Variants in UNC5B observed in about 807,000 individuals in gnomAD.
UNC5B encodes the protein netrin receptor UNC5B.
UNC5B carries 56 observed loss-of-function variants against 103.7 expected under a neutral mutation model. That is an observed-to-expected ratio of 0.54 (90% CI 0.44 to 0.67). The LOEUF is 0.67. Among genes scored for constraint, UNC5B ranks in the 30% least tolerant of loss-of-function variants. The pLI, the probability that UNC5B is intolerant of heterozygous loss-of-function variation, is 0.00. For missense variants in UNC5B, 1,194 were observed against 1,284.5 expected, an observed-to-expected ratio of 0.93 and a Z score of 1.08; for synonymous variants, 577 against 542.0, an observed-to-expected ratio of 1.06 and a Z score of -0.90.
chr10:71,287,265 A>G (rs1446355422), intron 5 of UNC5B, among the ~76,000 whole-genome samples: 2 of 152,190 alleles, frequency 1.3e-5, no homozygotes. Context: ...ACAGAGTTTT[A>G]GAAAGAACCT....
chr10:71,269,796 GA>G (rs367681141), intron 1 of UNC5B, among the ~76,000 whole-genome samples: 1,890 of 150,996 alleles, frequency 0.013, 43 homozygotes, highest in African/African-American at 0.044. Context: ...CCTGCCAAGA[GA>G]AAAAAAAAGG....
chr10:71,269,226 G>A (rs1273477069), intron 1 of UNC5B, among the ~76,000 whole-genome samples: 2 of 151,878 alleles, frequency 1.3e-5, no homozygotes, highest in Non-Finnish European at 2.9e-5. Flanking sequence ...GGAATGGGGC[G>A]GCTTTTATTT....
chr10:71,291,631 T>C lies in UNC5B; in HGVS notation c.1494T>C (p.Asp498=), dbSNP rs3740460. ...CGGGCTCTGGGCCAGGCCTGGCAGA[T>C]GGGGCTGACCTGCTGGGGGTCTTGC... The part of the protein sequence containing the change: ...STTGSGPGLA[D]GADLLGVLPP... The change falls in exon 10 of 17, where the codon GAT becomes GAC. Residue 498 remains aspartate (D), a synonymous_variant. Coordinates refer to ENST00000335350, the MANE Select transcript of UNC5B (RefSeq NM_170744.5). 214,464 of 1,613,872 alleles carry C rather than the reference T, an allele frequency of 0.13. 15,304 individuals are homozygous for C. The highest frequency in any genetic ancestry group is 0.21 in the South Asian group (18,750 of 91,078).
At chr10:71,290,109 A>C (rs117798927) in intron 8 of UNC5B, among the ~76,000 whole-genome samples, 29 of 152,368 alleles carry the variant, frequency 1.9e-4, no homozygotes, top group Middle Eastern at 6.8e-3. Context: ...AAAATTAAAT[A>C]AATTTTTAAA....
At chr10:71,283,046 G>A (rs545186416) in intron 2 of UNC5B, among the ~76,000 whole-genome samples, 1 of 152,280 alleles carries the variant, frequency 6.6e-6, no homozygotes, top group South Asian at 2.1e-4. Flanking sequence ...TGTGAACCCA[G>A]GAGGCGGAGG....
intron 1 of UNC5B, among the ~76,000 whole-genome samples, chr10:71,224,240 GAC>G (rs956873758): frequency 1.5e-5 from 2 of 137,814 alleles, no homozygotes; most frequent in African/African-American, 5.5e-5. Context: ...CACAGACACA[GAC>G]ACACACACAC....
intron 2 of UNC5B, among the ~76,000 whole-genome samples, chr10:71,283,873 C>G (rs760070774): frequency 1.7e-4 from 26 of 152,162 alleles, no homozygotes; most frequent in Non-Finnish European, 3.2e-4. Context: ...GCTCCAGGCC[C>G]ACAGGGCCTG....
intron 1 of UNC5B, among the ~76,000 whole-genome samples, chr10:71,225,425 A>C (rs1843541868): frequency 1.3e-5 from 2 of 152,094 alleles, no homozygotes; most frequent in African/African-American, 4.8e-5. Flanking sequence ...CTGTTGAGCT[A>C]AGTGACAAGA....
chr10:71,291,329 A>G (rs866116824), intron 9 of UNC5B, 103 bp from the exon 10 acceptor site: 2 of 1,499,654 alleles, frequency 1.3e-6, no homozygotes, highest in Non-Finnish European at 1.8e-6. Context: ...GCTGGCAGCA[A>G]TTGGGCCTTT....
At chr10:71,287,533 C>T (rs200257756) in intron 5 of UNC5B, 65 bp from the exon 6 acceptor site, 165 of 1,513,558 alleles carry the variant, frequency 1.1e-4, no homozygotes, top group Middle Eastern at 9.7e-4. Flanking sequence ...GGGTGAGGGA[C>T]GGGTTTGGGG....
chr10:71,288,827 C>T, intron 7 of UNC5B, 95 bp downstream of exon 7: 1 of 1,546,992 alleles, frequency 6.5e-7, no homozygotes, highest in South Asian at 1.2e-5. Flanking sequence ...GCCCAGCCTG[C>T]AGCACGGCAG....
At chr10:71,296,904 GT>G (rs374472369) in intron 15 of UNC5B, among the ~76,000 whole-genome samples, 162 bp downstream of exon 15, 27 of 129,464 alleles carry the variant, frequency 2.1e-4, no homozygotes, top group East Asian at 4.4e-4. Flanking sequence ...TGAGGGAAGG[GT>G]GGGGCAGATA....
chr10:71,263,431 C>CG (rs1357278622), intron 1 of UNC5B, among the ~76,000 whole-genome samples: 2 of 152,246 alleles, frequency 1.3e-5, no homozygotes, highest in Non-Finnish European at 2.9e-5. Context: ...AGCCAGGGCA[C>CG]GGGGGAGGGG....
intron 1 of UNC5B, among the ~76,000 whole-genome samples, chr10:71,227,037 T>C (rs1477763624): frequency 1.3e-5 from 2 of 150,100 alleles, no homozygotes; most frequent in Non-Finnish European, 3.0e-5. Context: ...CAGGCTGGAG[T>C]TCAATGGCAC....
At chr10:71,290,079 A>G (rs1236915752) in intron 8 of UNC5B, among the ~76,000 whole-genome samples, 1 of 152,226 alleles carries the variant, frequency 6.6e-6, no homozygotes, top group Admixed American at 6.5e-5. Flanking sequence ...AAGCCGTTCA[A>G]ACTTATACTT....
At chr10:71,285,801 C>T (rs1331558407) in intron 4 of UNC5B, among the ~76,000 whole-genome samples, 3 of 152,140 alleles carry the variant, frequency 2.0e-5, no homozygotes, top group African/African-American at 7.2e-5. Context: ...GTGTGTTCTC[C>T]CCCACGAGCT....
chr10:71,222,180 G>A (rs2132238738), intron 1 of UNC5B, among the ~76,000 whole-genome samples: 1 of 152,296 alleles, frequency 6.6e-6, no homozygotes, highest in African/African-American at 2.4e-5. Context: ...TGGAGAGTGT[G>A]GCCCTGGTAG....
chr10:71,295,221 A>G (rs1259026684), intron 13 of UNC5B, among the ~76,000 whole-genome samples: 1 of 152,228 alleles, frequency 6.6e-6, no homozygotes, highest in African/African-American at 2.4e-5. Context: ...GTGCTCCTGC[A>G]GCTGGATCTC....
chr10:71,237,762 C>CG (rs1843806181), intron 1 of UNC5B, among the ~76,000 whole-genome samples: 1 of 152,210 alleles, frequency 6.6e-6, no homozygotes, highest in African/African-American at 2.4e-5. Context: ...GTGGTCTTTA[C>CG]TAGGACTTTG....
Sources: gnomAD v4.1 joint callset for allele counts (sites outside exome capture counted in the v4.1 genomes callset) on GRCh38, gnomAD v4.1.1 for gene constraint, MANE v1.5 for transcripts, NCBI Gene and HGNC (gene_info 2026-07-23, HGNC 2026-07-21) for gene names.